PTPRD: variants seen among roughly 807,000 people sequenced by gnomAD.
PTPRD encodes the protein protein tyrosine phosphatase receptor type D, also known as receptor-type tyrosine-protein phosphatase delta.
Under a neutral mutation model 214.5 loss-of-function variants are expected in PTPRD, and 34 were observed. The ratio of observed to expected loss-of-function variants is 0.16; its 90% confidence interval spans 0.12 to 0.21. The LOEUF (loss-of-function observed/expected upper bound fraction) is 0.21, where lower values mean the gene tolerates loss of function less well. Ranked by LOEUF, PTPRD falls within the 10% of genes least tolerant of loss-of-function variation. The pLI is 1.00. For synonymous variants in PTPRD, 1,128 were observed against 845.7 expected (o/e 1.33, Z -5.79); for missense variants, 2,545 against 2,398.7 (o/e 1.06, Z -1.27).
At chr9:8,787,399 A>G (rs2096029145) in intron 11 of PTPRD, among the ~76,000 whole-genome samples, 1 of 152,146 alleles carries the variant, frequency 6.6e-6, no homozygotes, top group African/African-American at 2.4e-5. Flanking sequence ...CTCATTTCTG[A>G]CGATGACAAT....
At chr9:9,587,070 A>G (rs1158931924) in intron 7 of PTPRD, among the ~76,000 whole-genome samples, 1 of 151,996 alleles carries the variant, frequency 6.6e-6, no homozygotes, top group East Asian at 1.9e-4. Flanking sequence ...TATAGGTAAC[A>G]AAATGTGTTA....
chr9:9,628,209 G>T (rs923235825), intron 7 of PTPRD, among the ~76,000 whole-genome samples: 3 of 152,060 alleles, frequency 2.0e-5, no homozygotes, highest in Non-Finnish European at 2.9e-5. Context: ...GCCCCAGTTT[G>T]GTCTCTCCAG....
chr9:9,616,660 A>C (rs990862266), intron 7 of PTPRD, among the ~76,000 whole-genome samples: 1 of 152,150 alleles, frequency 6.6e-6, no homozygotes, highest in African/African-American at 2.4e-5. Flanking sequence ...TATATGAAAA[A>C]GTTCATGATC....
At chr9:10,270,680 T>G (rs989709561) in intron 3 of PTPRD, among the ~76,000 whole-genome samples, 2 of 152,162 alleles carry the variant, frequency 1.3e-5, no homozygotes, top group Non-Finnish European at 2.9e-5. Flanking sequence ...GCATAAAAAA[T>G]TGTGGTATTG....
At chr9:10,070,577 TAA>T (rs2097985689) in intron 3 of PTPRD, among the ~76,000 whole-genome samples, 1 of 152,024 alleles carries the variant, frequency 6.6e-6, no homozygotes, top group Admixed American at 6.6e-5. Flanking sequence ...TGAATAAAAT[TAA>T]AAGAGTCATT....
intron 5 of PTPRD, among the ~76,000 whole-genome samples, chr9:9,886,956 C>T (rs911864865): frequency 1.3e-5 from 2 of 152,168 alleles, no homozygotes; most frequent in African/African-American, 4.8e-5. Context: ...GACTTGCATC[C>T]ACACCACTGT....
chr9:9,276,798 C>A (rs1945821729), intron 9 of PTPRD, among the ~76,000 whole-genome samples: 1 of 151,338 alleles, frequency 6.6e-6, no homozygotes, highest in Non-Finnish European at 1.5e-5. Flanking sequence ...TTTTTAAGTT[C>A]CTAATTCTAT....
chr9:8,479,811 T>C (rs1401501462), intron 30 of PTPRD, among the ~76,000 whole-genome samples: 1 of 152,198 alleles, frequency 6.6e-6, no homozygotes, highest in African/African-American at 2.4e-5. Context: ...ACTGCTCTTT[T>C]CCTGAAGAGA....
At chr9:9,973,814 G>A (rs1244376389) in intron 4 of PTPRD, among the ~76,000 whole-genome samples, 1 of 151,766 alleles carries the variant, frequency 6.6e-6, no homozygotes, top group South Asian at 2.1e-4. Context: ...TATTTTATTT[G>A]TATTTTTAAT....
intron 2 of PTPRD, among the ~76,000 whole-genome samples, chr9:10,414,773 T>A (rs1035781806): frequency 6.6e-6 from 1 of 151,804 alleles, no homozygotes; most frequent in South Asian, 2.1e-4. Flanking sequence ...AAGAATGAGA[T>A]CATATCTTTT....
chr9:10,248,105 C>G (rs919924512), intron 3 of PTPRD, among the ~76,000 whole-genome samples: 2 of 152,082 alleles, frequency 1.3e-5, no homozygotes, highest in African/African-American at 2.4e-5. Flanking sequence ...ACCTCCCCAG[C>G]CATGTGGAAC....
intron 35 of PTPRD, among the ~76,000 whole-genome samples, chr9:8,430,904 G>A (rs1434620859): frequency 6.6e-6 from 1 of 152,034 alleles, no homozygotes; most frequent in Non-Finnish European, 1.5e-5. Flanking sequence ...TACCTCCTTG[G>A]TGTAATTCTC....
intron 8 of PTPRD, among the ~76,000 whole-genome samples, chr9:9,427,351 G>A (rs1220516743): frequency 3.3e-5 from 5 of 152,146 alleles, no homozygotes; most frequent in African/African-American, 1.2e-4. Context: ...AGCGAGAAGA[G>A]AAGTTTAGAG....
At chr9:9,652,485 C>T (rs1335638122) in intron 7 of PTPRD, among the ~76,000 whole-genome samples, 1 of 152,136 alleles carries the variant, frequency 6.6e-6, no homozygotes, top group Non-Finnish European at 1.5e-5. Flanking sequence ...CAGTTGACTA[C>T]TATAATTTCA....
intron 9 of PTPRD, among the ~76,000 whole-genome samples, chr9:9,186,815 T>C (rs190562686): frequency 9.7e-4 from 148 of 152,128 alleles, no homozygotes; most frequent in African/African-American, 3.4e-3. Flanking sequence ...ATTTAGTGTG[T>C]TTTGCATTAA....
intron 5 of PTPRD, among the ~76,000 whole-genome samples, chr9:9,821,791 A>T (rs913177064): frequency 2.0e-5 from 3 of 151,838 alleles, no homozygotes; most frequent in Non-Finnish European, 4.4e-5. Context: ...AATAAGCAGT[A>T]AAGCAAGGAT....
intron 11 of PTPRD, among the ~76,000 whole-genome samples, chr9:8,944,791 A>G (rs904100133): frequency 4.6e-5 from 7 of 151,128 alleles, no homozygotes; most frequent in African/African-American, 1.4e-4. Context: ...TAATGGGTAC[A>G]AAAATATACT....
rs550684403 is a variant in PTPRD, at chr9:10,043,983, G to A, written c.-544-10193C>T. ...TATTATTTGTAACACAGAGACAAAAGCTCAGAATTTGTAACAAATATTTAG... is the reference window on the plus strand; with the variant it reads ...TATTATTTGTAACACAGAGACAAAAACTCAGAATTTGTAACAAATATTTAG... On this transcript the variant is annotated intron_variant, in intron 3 of 45. Coordinates refer to ENST00000381196, the MANE Select transcript of PTPRD (RefSeq NM_002839.4). Among the ~76,000 whole-genome samples the A allele has an allele frequency of 2.0e-5, 3 of 151,896 alleles. No individual in the cohort carries two copies. In the South Asian group the frequency reaches 6.2e-4, roughly 32 times the overall value.
chr9:10,187,487 G>A (rs1339397557), intron 3 of PTPRD, among the ~76,000 whole-genome samples: 2 of 152,102 alleles, frequency 1.3e-5, no homozygotes, highest in Non-Finnish European at 2.9e-5. Flanking sequence ...TCTTTCTTTG[G>A]AATCCCAACT....
Sources: gnomAD v4.1 joint callset for allele counts (sites outside exome capture counted in the v4.1 genomes callset) on GRCh38, gnomAD v4.1.1 for gene constraint, MANE v1.5 for transcripts, NCBI Gene and HGNC (gene_info 2026-07-23, HGNC 2026-07-21) for gene names.